Variants in DNM3 observed in about 807,000 individuals in gnomAD.
DNM3 encodes dynamin 3, also known as dynamin-3.
Under a neutral mutation model 101.6 loss-of-function variants are expected in DNM3, and 47 were observed. That is an observed-to-expected ratio of 0.46 (90% CI 0.37 to 0.59). DNM3 has a LOEUF of 0.59. Ranked by LOEUF, DNM3 falls within the 20% of genes least tolerant of loss-of-function variation. DNM3 has a pLI of 0.00. For synonymous variants in DNM3, 385 were observed against 387.9 expected, an observed-to-expected ratio of 0.99 and a Z score of 0.09; for missense variants, 849 against 1,085.7, an observed-to-expected ratio of 0.78 and a Z score of 3.06.
intron 14 of DNM3, among the ~76,000 whole-genome samples, chr1:172,168,671 T>C (rs1473446934): frequency 6.6e-6 from 1 of 151,956 alleles, no homozygotes; most frequent in Non-Finnish European, 1.5e-5. Flanking sequence ...ACTGGAAATA[T>C]TAAATGCACA....
In DNM3 at chr1:172,027,318, C is replaced by T. The variant is rs138338376; in HGVS notation, c.590-5084C>T. Among the ~76,000 whole-genome samples, 892 of 152,060 alleles carry T rather than the reference C, an allele frequency of 5.9e-3. 1 individual carries two copies. The highest frequency in any genetic ancestry group is 8.3e-3 in the Non-Finnish European group (567 of 67,952). ...ACACAGACTGGGCTGGGCACAGTAG[C>T]TCACACCTGTAATCCCAGCACTTTA... is the stretch of plus-strand genomic sequence containing the variant. On this transcript the variant is annotated intron_variant, in intron 4 of 20. Transcript: ENST00000627582.
At chr1:172,371,317 GT>G (rs2068310850) in intron 17 of DNM3, among the ~76,000 whole-genome samples, 1 of 151,984 alleles carries the variant, frequency 6.6e-6, no homozygotes, top group Admixed American at 6.6e-5. Context: ...ACCCACAAAT[GT>G]TCATTAGTAA....
At chr1:172,032,365 T>A in intron 4 of DNM3, 37 bp from the exon 5 acceptor site, 1 of 1,493,006 alleles carries the variant, frequency 6.7e-7, no homozygotes, top group Non-Finnish European at 9.3e-7. Context: ...GTTAGTCTTC[T>A]GCAAATTGTG....
chr1:171,934,226 TG>T (rs1323012676), intron 2 of DNM3, among the ~76,000 whole-genome samples: 2 of 152,376 alleles, frequency 1.3e-5, no homozygotes, highest in African/African-American at 4.8e-5. Context: ...GTAATTTTCT[TG>T]AGTGCCATTT....
intron 17 of DNM3, among the ~76,000 whole-genome samples, chr1:172,326,636 C>A (rs2148922613): frequency 6.6e-6 from 1 of 152,006 alleles, no homozygotes; most frequent in South Asian, 2.1e-4. Flanking sequence ...TTAGAAATTT[C>A]ATAGACTTTT....
chr1:171,978,145 G>T (rs1241349800), intron 2 of DNM3, among the ~76,000 whole-genome samples: 1 of 152,118 alleles, frequency 6.6e-6, no homozygotes, highest in African/African-American at 2.4e-5. Flanking sequence ...GGGTAAGACA[G>T]ATAATGCTCC....
chr1:172,391,189 C>G (rs547397888), intron 20 of DNM3, among the ~76,000 whole-genome samples: 1 of 152,198 alleles, frequency 6.6e-6, no homozygotes, highest in Non-Finnish European at 1.5e-5. Flanking sequence ...TAGAACCAGA[C>G]TTTACTTGAT....
chr1:171,841,941 G>T, intron 1 of DNM3, 124 bp downstream of exon 1: 1 of 587,560 alleles, frequency 1.7e-6, no homozygotes, highest in South Asian at 1.8e-5. Context: ...GGAATGGGGG[G>T]CAGAGTGGAA....
At chr1:172,257,345 A>AAGACAAATAAAAAC (rs1475907609) in intron 15 of DNM3, among the ~76,000 whole-genome samples, 1 of 152,148 alleles carries the variant, frequency 6.6e-6, no homozygotes, top group Non-Finnish European at 1.5e-5. Flanking sequence ...ATCTTATTTT[A>AAGACAAATAAAAAC]TCACATGAGC....
At chr1:172,103,540 A>G (rs1475620230) in intron 13 of DNM3, among the ~76,000 whole-genome samples, 1 of 152,222 alleles carries the variant, frequency 6.6e-6, no homozygotes, top group African/African-American at 2.4e-5. Context: ...AAGGATAGGT[A>G]TTTCTGCTGT....
At chr1:171,932,389 C>T in intron 2 of DNM3, among the ~76,000 whole-genome samples, 1 of 151,688 alleles carries the variant, frequency 6.6e-6, no homozygotes. Context: ...AAGTGATCTT[C>T]CGAAAACAAT....
chr1:172,224,765 A>C (rs12410143), intron 14 of DNM3, among the ~76,000 whole-genome samples: 26,041 of 152,166 alleles, frequency 0.17, 2,547 homozygotes, highest in East Asian at 0.28. Flanking sequence ...ACATTAGAAC[A>C]CTTTATTCAA....
In DNM3 at chr1:172,387,304, G is replaced by A. The variant is rs761306122; in HGVS notation, c.2230G>A (p.Val744Met). Reference sequence around the variant, plus strand: ...AATTGGGGACATCAGCACAGCCACCGTGTCCACTCCGGCACCCCCTCCAGT... The same window carrying A: ...AATTGGGGACATCAGCACAGCCACCATGTCCACTCCGGCACCCCCTCCAGT... ...GIIGDISTAT[V>M]STPAPPPVDD... Residue 744 changes from valine (V) to methionine (M), a missense_variant, in exon 19 of 21, where the codon GTG becomes ATG. Physicochemically the swap from Val to Met is conservative, Grantham distance 21 (BLOSUM62 1). Around this residue, in one of 5 missense-constraint regions of DNM3, gnomAD observed 256 missense variants for 311.7 expected, o/e 0.82. Transcript: ENST00000627582. The A allele has an allele frequency of 1.2e-5, 19 of 1,613,738 alleles. No homozygotes were observed. The highest frequency in any genetic ancestry group is 1.6e-4 in the Middle Eastern group (1 of 6,082).
chr1:172,226,869 G>A (rs2061142599), intron 14 of DNM3, among the ~76,000 whole-genome samples: 1 of 151,914 alleles, frequency 6.6e-6, no homozygotes, highest in Non-Finnish European at 1.5e-5. Context: ...GATTTACTGG[G>A]TCAAAATAAA....
intron 10 of DNM3, among the ~76,000 whole-genome samples, chr1:172,065,307 G>A (rs1243170763): frequency 2.6e-5 from 4 of 152,102 alleles, no homozygotes; most frequent in Admixed American, 6.6e-5. Context: ...AAATGCTTGC[G>A]TAGTTACTTC....
rs148426020 is a variant in DNM3 at position 172,301,790 on chromosome 1, G to A, written c.1770-6938G>A. ...CCATGATATAACAGTAAGTGAAAAA[G>A]CATGACACAAGATAATAGAGAACTA... On this transcript the variant is annotated intron_variant, in intron 15 of 20. Transcript: ENST00000627582. 2.3e-3 allele frequency among the ~76,000 whole-genome samples: 357 copies of A among 152,150 alleles called. 2 individuals are homozygous for A. Among genetic ancestry groups the A allele is most frequent in the African/African-American group, 8.2e-3 (340 of 41,526 alleles).
chr1:172,053,300 T>G (rs552670341), intron 10 of DNM3, among the ~76,000 whole-genome samples: 76 of 152,088 alleles, frequency 5.0e-4, no homozygotes, highest in Admixed American at 5.0e-3. Context: ...TGTCTCACTT[T>G]CCCTCCTGTG....
intron 4 of DNM3, among the ~76,000 whole-genome samples, chr1:172,004,675 G>A (rs2046562246): frequency 6.6e-6 from 1 of 151,968 alleles, no homozygotes. Context: ...GCACCAAGGA[G>A]TAAGAAAAAT....
intron 15 of DNM3, among the ~76,000 whole-genome samples, chr1:172,274,584 G>T (rs2063206884): frequency 6.6e-6 from 1 of 151,896 alleles, no homozygotes; most frequent in African/African-American, 2.4e-5. Flanking sequence ...GAAATATTGA[G>T]CTGTTGGATT....
Sources: gnomAD v4.1 joint callset for allele counts (sites outside exome capture counted in the v4.1 genomes callset) on GRCh38, gnomAD v4.1.1 for gene constraint, gnomAD v4.1.1 regional missense constraint, MANE v1.5 for transcripts, NCBI Gene and HGNC (gene_info 2026-07-23, HGNC 2026-07-21) for gene names.